The following FANCB variants were observed in gnomAD, a reference collection of about 807,000 sequenced individuals.
FANCB encodes Fanconi anemia group B protein.
Under a neutral mutation model 38.9 loss-of-function variants are expected in FANCB, and 5 were observed. That is an observed-to-expected ratio of 0.13 (90% confidence interval 0.07 to 0.27). FANCB has a LOEUF of 0.27. Among genes scored for constraint, FANCB ranks in the 10% least tolerant of loss-of-function variants. The pLI, the probability that FANCB is intolerant of heterozygous loss-of-function variation, is 1.00. For synonymous variants in FANCB, 236 were observed against 215.4 expected, an observed-to-expected ratio of 1.10 and a Z score of -0.84; for missense variants, 573 against 602.7, an observed-to-expected ratio of 0.95 and a Z score of 0.52.
chrX:14,839,421 T>C (rs139058094), downstream of FANCB, among the ~76,000 whole-genome samples: 1,078 of 111,891 alleles, frequency 9.6e-3, 8 homozygotes, highest in Middle Eastern at 0.032. Flanking sequence ...TAATTTTATA[T>C]TCTAAAATAT....
At chrX:14,764,270 CG>C in the FANCB span, among the ~76,000 whole-genome samples, 1 of 110,565 alleles carries the variant, frequency 9.0e-6, no homozygotes, top group Admixed American at 9.7e-5. Context: ...TGCAGCTGTA[CG>C]ACTGAGATCC....
At chrX:14,748,410 C>A in the FANCB span, among the ~76,000 whole-genome samples, 2 of 111,964 alleles carry the variant, frequency 1.8e-5, no homozygotes, top group East Asian at 2.8e-4. Context: ...GACAGGGGAC[C>A]CAGCTAAGCC....
At chrX:14,860,743 AT>A (rs1004215736) in intron 3 of FANCB, among the ~76,000 whole-genome samples, 3 of 112,332 alleles carry the variant, frequency 2.7e-5, no homozygotes, top group African/African-American at 9.7e-5. Flanking sequence ...GACTAGCCAC[AT>A]TTCAAAAGTT....
Position 14,845,024 on chromosome X carries a change from G to C in FANCB, c.1759C>G (p.Leu587Val), listed in dbSNP as rs748958265. ...CAACAAAATTTACTGAATGTTAAAA[G>C]TGGTGAAAGAGATGTTACAGCAGTA... Reference protein sequence around the residue: ...IITAVTSLSPLLTFSKFCCTV... With the variant: ...IITAVTSLSPVLTFSKFCCTV... The change falls in exon 8 of 10, where the codon CTT (leucine) becomes GTT (valine). Residue 587 changes from leucine to valine, a missense_variant. Leu to Val is a conservative substitution (Grantham distance 32). Transcript: ENST00000650831. 9 of 1,209,703 alleles carry C rather than the reference G, an allele frequency of 7.4e-6. No individual in the cohort carries two copies. In the South Asian group the frequency reaches 1.4e-4, roughly 19 times the overall value.
At chrX:14,835,402 C>G (rs2092338591), downstream of FANCB, 2 of 368,430 alleles carry the variant, frequency 5.4e-6, no homozygotes, top group Non-Finnish European at 1.0e-5. Flanking sequence ...CCGCGCAGGA[C>G]AGAATCACAC....
At chrX:14,824,322 AG>A in the FANCB span, among the ~76,000 whole-genome samples, 1 of 111,851 alleles carries the variant, frequency 8.9e-6, no homozygotes, top group South Asian at 3.8e-4. Flanking sequence ...ATCATACACA[AG>A]TATGTCTACC....
chrX:14,739,534 CA>C, the FANCB span, among the ~76,000 whole-genome samples: 1 of 111,828 alleles, frequency 8.9e-6, no homozygotes, highest in African/African-American at 3.3e-5. Flanking sequence ...AAATAAATGT[CA>C]AAAGAGAGCC....
At chrX:14,818,432 CGGGGGGT>C in the FANCB span, among the ~76,000 whole-genome samples, 1 of 106,389 alleles carries the variant, frequency 9.4e-6, no homozygotes, top group Non-Finnish European at 1.9e-5. Context: ...AAAACACTGG[CGGGGGGT>C]TGGGTGGAAG....
chrX:14,690,295 A>C, the FANCB span, among the ~76,000 whole-genome samples: 6 of 112,244 alleles, frequency 5.3e-5, no homozygotes, highest in Non-Finnish European at 1.1e-4. Flanking sequence ...ATTATTTTTA[A>C]TTGATAAGTA....
the FANCB span, among the ~76,000 whole-genome samples, chrX:14,809,154 A>G: frequency 8.9e-6 from 1 of 112,527 alleles, no homozygotes; most frequent in Non-Finnish European, 1.9e-5. Flanking sequence ...CAATACCAAC[A>G]ACATTCTTCA....
the FANCB span, among the ~76,000 whole-genome samples, chrX:14,764,033 T>C: frequency 8.9e-6 from 1 of 111,883 alleles, no homozygotes. Context: ...TAGTTATCTA[T>C]TGCTGTGTAA....
At chrX:14,871,469 C>T (rs1348515559) in intron 1 of FANCB, among the ~76,000 whole-genome samples, 1 of 111,686 alleles carries the variant, frequency 9.0e-6, no homozygotes, top group Non-Finnish European at 1.9e-5. Context: ...CATAATCCCA[C>T]ATATGAATGA....
intron 5 of FANCB, among the ~76,000 whole-genome samples, chrX:14,853,675 T>G (rs2092411411): frequency 8.9e-6 from 1 of 112,171 alleles, no homozygotes; most frequent in Admixed American, 9.4e-5. Context: ...AAATTAAAAT[T>G]ATAACAGCCC....
chrX:14,724,626 CAAAAAAAAAA>C, the FANCB span, among the ~76,000 whole-genome samples: 33 of 49,577 alleles, frequency 6.7e-4, no homozygotes, highest in African/African-American at 2.0e-3. Context: ...AACTCTGTCT[CAAAAAAAAAA>C]AAAAAAAAAA....
intron 5 of FANCB, among the ~76,000 whole-genome samples, chrX:14,854,519 G>A (rs1254821413): frequency 1.8e-5 from 2 of 111,594 alleles, no homozygotes; most frequent in African/African-American, 3.3e-5. Context: ...GCCCAATCCC[G>A]TTTGCAAAAC....
At chrX:14,762,101 T>C in the FANCB span, among the ~76,000 whole-genome samples, 6 of 111,143 alleles carry the variant, frequency 5.4e-5, no homozygotes, top group Non-Finnish European at 1.9e-5. Context: ...TAAGGGCCTG[T>C]TCCCTTCTTC....
the FANCB span, among the ~76,000 whole-genome samples, chrX:14,739,992 T>C: frequency 9.0e-6 from 1 of 111,419 alleles, no homozygotes; most frequent in Non-Finnish European, 1.9e-5. Context: ...ACACTGGCCC[T>C]CTTGCAGTAG....
the FANCB span, among the ~76,000 whole-genome samples, chrX:14,807,909 G>A: frequency 8.1e-5 from 9 of 111,474 alleles, no homozygotes; most frequent in Non-Finnish European, 1.5e-4. Context: ...GAAATTCAAA[G>A]GATCATTAAT....
the FANCB span, among the ~76,000 whole-genome samples, chrX:14,721,331 C>A: frequency 1.7e-5 from 1 of 60,236 alleles, no homozygotes; most frequent in Admixed American, 1.5e-4. Context: ...TAAGTGTTCT[C>A]ACCACAAAAA....
Sources: allele counts gnomAD v4.1 joint callset (sites outside exome capture counted in the v4.1 genomes callset), GRCh38; gene constraint gnomAD v4.1.1; transcripts MANE v1.5; gene names NCBI Gene and HGNC (gene_info 2026-07-23, HGNC 2026-07-21).